Variants in CRYBA4 observed in about 807,000 individuals in gnomAD.
The protein encoded by CRYBA4 is crystallin beta A4.
In CRYBA4, 30 loss-of-function variants were observed where a neutral mutation model predicts 31.7. The observed-to-expected ratio is 0.95, with a 90% CI of 0.71 to 1.28. The LOEUF (loss-of-function observed/expected upper bound fraction) is 1.28. CRYBA4 is among the 50% of genes most tolerant of loss of function. The probability of loss-of-function intolerance (pLI) is 0.00; values close to 1 mark genes in which losing one functional copy is unlikely to be tolerated. For missense variants in CRYBA4, 225 were observed against 260.7 expected (o/e 0.86, Z 0.94); for synonymous variants, 102 against 102.3 (o/e 1.00, Z 0.02).
chr22:26,630,527 G>A lies in CRYBA4; in HGVS notation c.*40G>A. 6.4e-7 allele frequency: 1 copy of A among 1,573,678 alleles called. No individual in the cohort carries two copies. The highest frequency in any genetic ancestry group is 1.7e-5 in the Admixed American group (1 of 58,950). ...CGGAGGAGCGCATGCGTGCTTATCT[G>A]CAATGGAGGCGCTCTGGAGGCTGTG... On this transcript the variant is annotated 3_prime_UTR_variant, in exon 6 of 6. Coordinates refer to ENST00000354760, the MANE Select transcript of CRYBA4 (RefSeq NM_001886.3).
chr22:26,607,900 G>A, the CRYBA4 span: 1 of 1,614,182 alleles, frequency 6.2e-7, no homozygotes, highest in East Asian at 2.2e-5. Context: ...ATTTTGATGG[G>A]CCGGAAGGAC....
intron 4 of CRYBA4, among the ~76,000 whole-genome samples, chr22:26,626,422 A>C (rs911992918): frequency 2.0e-5 from 3 of 152,198 alleles, no homozygotes; most frequent in African/African-American, 7.2e-5. Context: ...ACAAAACAAA[A>C]AAACAAAAAC....
chr22:26,625,700 T>G, intron 4 of CRYBA4, 78 bp downstream of exon 4: 2 of 1,471,096 alleles, frequency 1.4e-6, no homozygotes, highest in Admixed American at 1.8e-5. Context: ...GTTCCAGAGT[T>G]GAAATTCTCA....
chr22:26,604,317 G>A, the CRYBA4 span, among the ~76,000 whole-genome samples: 1 of 152,198 alleles, frequency 6.6e-6, no homozygotes, highest in Non-Finnish European at 1.5e-5. Flanking sequence ...CAGTTGTAGG[G>A]ATTATGTAAA....
chr22:26,613,972 C>T, the CRYBA4 span, among the ~76,000 whole-genome samples: 7 of 152,102 alleles, frequency 4.6e-5, no homozygotes, highest in Admixed American at 2.0e-4. Context: ...TTATGGTCGA[C>T]GCTGCAGAGA....
At chr22:26,606,364 A>G in the CRYBA4 span, among the ~76,000 whole-genome samples, 7 of 152,246 alleles carry the variant, frequency 4.6e-5, no homozygotes, top group African/African-American at 1.4e-4. Flanking sequence ...CATTGTTGAC[A>G]TTCTTTAAAA....
chr22:26,614,171 C>T, the CRYBA4 span, among the ~76,000 whole-genome samples: 2 of 152,212 alleles, frequency 1.3e-5, no homozygotes, highest in African/African-American at 2.4e-5. Context: ...CCTGTGATCT[C>T]TCCCTGCCTC....
At chr22:26,613,098 C>T in the CRYBA4 span, among the ~76,000 whole-genome samples, 1 of 152,222 alleles carries the variant, frequency 6.6e-6, no homozygotes, top group Non-Finnish European at 1.5e-5. Flanking sequence ...GCCCCAGTAC[C>T]TGCCACAGAG....
upstream of CRYBA4, among the ~76,000 whole-genome samples, chr22:26,619,489 G>T (rs758865072): frequency 6.6e-6 from 1 of 152,250 alleles, no homozygotes; most frequent in Middle Eastern, 3.4e-3. Context: ...ACCTGCAGTC[G>T]GCTCCCCAGT....
chr22:26,625,606 G>T lies in CRYBA4; in HGVS notation c.284G>T (p.Arg95Leu), dbSNP rs749066010. The part of the protein sequence containing the change: ...AYPAERLTSF[R>L]PAACANHRDS... ...CCCGCCGAGAGGCTCACCTCCTTCC[G>T]GCCTGCGGCCTGTGCTGTAAGTTCT... Residue 95 changes from arginine (R) to leucine (L), a missense_variant, in exon 4 of 6, where the codon CGG becomes CTG. Coordinates refer to ENST00000354760, the MANE Select transcript of CRYBA4 (RefSeq NM_001886.3). 1.2e-6 allele frequency: 2 copies of T among 1,613,816 alleles called. No individual in the cohort carries two copies. Among genetic ancestry groups the T allele is most frequent in the Non-Finnish European group, 1.7e-6 (2 of 1,179,966 alleles).
the CRYBA4 span, chr22:26,601,997 G>C: frequency 1.2e-6 from 2 of 1,613,888 alleles, no homozygotes; most frequent in Middle Eastern, 1.7e-4. Flanking sequence ...CCTTCAAACA[G>C]GGAGATTTTG....
the CRYBA4 span, chr22:26,601,908 G>A: frequency 2.5e-6 from 4 of 1,612,320 alleles, no homozygotes; most frequent in South Asian, 2.2e-5. Flanking sequence ...CGCTGCCCAC[G>A]CGGTCACTGA....
At chr22:26,628,930 A>G (rs2145984756) in intron 5 of CRYBA4, among the ~76,000 whole-genome samples, 1 of 152,254 alleles carries the variant, frequency 6.6e-6, no homozygotes, top group African/African-American at 2.4e-5. Context: ...GGGTGTTCTG[A>G]TTGGCTAGGT....
intron 1 of CRYBA4, among the ~76,000 whole-genome samples, 188 bp from the exon 2 acceptor site, chr22:26,622,397 G>A (rs1929558996): frequency 1.3e-5 from 2 of 152,102 alleles, no homozygotes; most frequent in Non-Finnish European, 2.9e-5. Flanking sequence ...GATGGGGATA[G>A]GATGGAAGAT....
At chr22:26,602,582 C>T in the CRYBA4 span, among the ~76,000 whole-genome samples, 1 of 143,364 alleles carries the variant, frequency 7.0e-6, no homozygotes, top group African/African-American at 2.6e-5. Context: ...CAGAGCAAGA[C>T]CCTGTCTCAA....
the CRYBA4 span, among the ~76,000 whole-genome samples, chr22:26,610,266 G>A: frequency 2.0e-5 from 3 of 152,108 alleles, no homozygotes; most frequent in African/African-American, 7.2e-5. Context: ...GATGGTGTTG[G>A]GTGTCAGGCT....
chr22:26,625,894 C>A (rs1186107706), intron 4 of CRYBA4, among the ~76,000 whole-genome samples: 4 of 150,904 alleles, frequency 2.7e-5, no homozygotes, highest in Non-Finnish European at 5.9e-5. Flanking sequence ...GGAGCCCCTG[C>A]CAGTTTTGTG....
At chr22:26,601,806 T>C in the CRYBA4 span, 1 of 1,606,042 alleles carries the variant, frequency 6.2e-7, no homozygotes, top group Non-Finnish European at 8.5e-7. Context: ...TGTTATAACC[T>C]GTAAGGGGAG....
the CRYBA4 span, among the ~76,000 whole-genome samples, chr22:26,591,137 G>A: frequency 6.6e-6 from 1 of 151,964 alleles, no homozygotes; most frequent in Non-Finnish European, 1.5e-5. Flanking sequence ...TTTGGGAGGC[G>A]AGGCGGGCGG....
Sources: allele counts gnomAD v4.1 joint callset (sites outside exome capture counted in the v4.1 genomes callset), GRCh38; gene constraint gnomAD v4.1.1; transcripts MANE v1.5; gene names NCBI Gene and HGNC (gene_info 2026-07-23, HGNC 2026-07-21).